MEGF11: variants seen among roughly 807,000 people sequenced by gnomAD.
MEGF11 encodes multiple EGF like domains 11.
MEGF11 carries 126 observed loss-of-function variants against 146.6 expected under a neutral mutation model. The observed-to-expected ratio is 0.86, with a 90% CI of 0.74 to 1.00. The LOEUF is 1.00. MEGF11 is among the 50% of genes least tolerant of loss of function. The pLI is 0.00. For missense variants in MEGF11, 1,509 were observed against 1,521.2 expected (o/e 0.99, Z 0.13); for synonymous variants, 532 against 583.4 (o/e 0.91, Z 1.27).
intron 1 of MEGF11, among the ~76,000 whole-genome samples, chr15:66,230,326 C>T (rs1470321998): frequency 6.6e-6 from 1 of 152,196 alleles, no homozygotes; most frequent in Non-Finnish European, 1.5e-5. Context: ...AACCTTCTGT[C>T]TTACCTCCCC....
intron 1 of MEGF11, among the ~76,000 whole-genome samples, chr15:66,132,784 T>C (rs894604456): frequency 6.6e-5 from 10 of 152,144 alleles, no homozygotes; most frequent in African/African-American, 2.2e-4. Context: ...CTCCTATATT[T>C]ACCACTTAGA....
At chr15:66,113,518 G>A (rs2087551675) in intron 4 of MEGF11, among the ~76,000 whole-genome samples, 2 of 150,928 alleles carry the variant, frequency 1.3e-5, no homozygotes, top group Non-Finnish European at 3.0e-5. Flanking sequence ...AGTGAGGCAT[G>A]CTTTCTCCCT....
chr15:66,130,264 G>T (rs534948055), intron 1 of MEGF11, among the ~76,000 whole-genome samples: 8 of 152,280 alleles, frequency 5.3e-5, no homozygotes, highest in African/African-American at 1.7e-4. Context: ...TGGGGTTTGG[G>T]CTAATCAGGC....
rs2079229588 is a variant in MEGF11 at position 65,922,973 on chromosome 15, T to A, written c.1676-4A>T. On this transcript the variant is annotated splice_region_variant and splice_polypyrimidine_tract_variant and intron_variant, in intron 13 of 25. Coordinates refer to ENST00000395614, the MANE Select transcript of MEGF11 (RefSeq NM_001385028.1). ...CACGTGCTGTCACAGCGGATGCCTG[T>A]GGGCCAGAGGCAGACTCGGGTCAGT... 6.2e-7 allele frequency: 1 copy of A among 1,611,630 alleles called. No homozygotes were observed. Among genetic ancestry groups the A allele is most frequent in the Non-Finnish European group, 8.5e-7 (1 of 1,179,296 alleles).
intron 5 of MEGF11, among the ~76,000 whole-genome samples, chr15:66,059,815 G>A (rs2084829440): frequency 6.6e-6 from 1 of 152,270 alleles, no homozygotes; most frequent in Non-Finnish European, 1.5e-5. Flanking sequence ...CCGGCTCCCA[G>A]GCAGGGAGCT....
chr15:66,244,162 T>G (rs2092259958), intron 1 of MEGF11, among the ~76,000 whole-genome samples: 1 of 152,016 alleles, frequency 6.6e-6, no homozygotes, highest in African/African-American at 2.4e-5. Flanking sequence ...CTAACAATGG[T>G]GGTCCTTGCT....
chr15:66,194,687 A>C (rs1023688802), intron 1 of MEGF11, among the ~76,000 whole-genome samples: 1 of 139,130 alleles, frequency 7.2e-6, no homozygotes, highest in African/African-American at 2.6e-5. Context: ...GGGGAGGGGG[A>C]GGGATAAAAG....
chr15:65,898,542 A>T, intron 25 of MEGF11, 186 bp downstream of exon 25: 2 of 985,384 alleles, frequency 2.0e-6, no homozygotes, highest in Non-Finnish European at 2.4e-6. Context: ...AGTTGGTACA[A>T]TAATTTGACT....
rs1267826887 is a variant in MEGF11 at position 65,916,259 on chromosome 15, A to G, written c.2233T>C (p.Phe745Leu). 1.9e-5 allele frequency: 29 copies of G among 1,556,496 alleles called. No homozygotes were observed. Among genetic ancestry groups the G allele is most frequent in the Non-Finnish European group, 2.4e-5 (28 of 1,149,994 alleles). The change falls in exon 18 of 26, where the codon TTT becomes CTT. Residue 745 changes from phenylalanine to leucine, a missense_variant. Phe to Leu is a conservative substitution (Grantham distance 22, BLOSUM62 0). Transcript: ENST00000395614. ...CATACGCGCCCACAGTCCTTCCCAA[A>G]AAATGCTGCTGGGCAGCCTAGAGAA... The part of the protein sequence containing the change: ...FCTQRCPAAF[F>L]GKDCGRVCQC...
At chr15:66,249,596 AT>A (rs2092343325) in intron 1 of MEGF11, among the ~76,000 whole-genome samples, 2 of 152,188 alleles carry the variant, frequency 1.3e-5, no homozygotes, top group Admixed American at 6.5e-5. Context: ...GGGGATGTAC[AT>A]AGCAAGTCTT....
chr15:65,980,921 T>G, intron 6 of MEGF11, 23 bp from the exon 7 acceptor site: 4 of 1,550,596 alleles, frequency 2.6e-6, no homozygotes, highest in Non-Finnish European at 3.5e-6. Flanking sequence ...GCAGAGGTGT[T>G]AGACACAGCA....
At chr15:66,189,456 A>G (rs2090811288) in intron 1 of MEGF11, among the ~76,000 whole-genome samples, 1 of 152,194 alleles carries the variant, frequency 6.6e-6, no homozygotes, top group Non-Finnish European at 1.5e-5. Flanking sequence ...CCCATTGCGC[A>G]CATGGGGAAG....
At chr15:66,237,070 C>T (rs2092110053) in intron 1 of MEGF11, among the ~76,000 whole-genome samples, 1 of 152,184 alleles carries the variant, frequency 6.6e-6, no homozygotes, top group Admixed American at 6.5e-5. Flanking sequence ...TGCATGCTAA[C>T]ACCCATCACA....
At chr15:66,242,353 G>A (rs1279364694) in intron 1 of MEGF11, among the ~76,000 whole-genome samples, 1 of 150,292 alleles carries the variant, frequency 6.7e-6, no homozygotes, top group Non-Finnish European at 1.5e-5. Context: ...AGGTTGCAGT[G>A]AGCCATAATT....
At chr15:66,103,498 A>G (rs190332849) in intron 4 of MEGF11, among the ~76,000 whole-genome samples, 2 of 152,334 alleles carry the variant, frequency 1.3e-5, no homozygotes, top group East Asian at 3.9e-4. Context: ...AATGAGGCCT[A>G]GCGTATAGTT....
chr15:66,160,707 C>CACACACA (rs1555477714), intron 1 of MEGF11, among the ~76,000 whole-genome samples: 144 of 88,224 alleles, frequency 1.6e-3, no homozygotes, highest in African/African-American at 5.3e-3. Flanking sequence ...ACACACACAC[C>CACACACA]CTTGCCCTAG....
In MEGF11 at chr15:65,965,101, AG is replaced by A. The variant is rs746690581; in HGVS notation, c.918del (p.Phe307SerfsTer69). 1.3e-6 allele frequency: 2 copies of A among 1,594,002 alleles called. No individual in the cohort carries two copies. The highest frequency in any genetic ancestry group is 1.3e-5 in the African/African-American group (1 of 74,562). On this transcript the variant is annotated frameshift_variant, in exon 9 of 26. Coordinates refer to ENST00000395614, the MANE Select transcript of MEGF11 (RefSeq NM_001385028.1). LOFTEE classifies it high-confidence loss of function. ...GAGCACTGGAAGCCGAAGGACCCGA[AG>A]GGGCACTCCTCTTGGCACCTGTGGG... ...YMGDRCQEEC[P>X]FGSFGFQCSQ...
chr15:65,907,802 A>G (rs1334723671), intron 23 of MEGF11, among the ~76,000 whole-genome samples: 1 of 152,218 alleles, frequency 6.6e-6, no homozygotes, highest in African/African-American at 2.4e-5. Flanking sequence ...GCTTGTCCAA[A>G]ACCACACTAG....
At position 65,934,028 on chromosome 15, in the gene MEGF11, G is replaced by C. The variant is rs542349053; in HGVS notation, c.1288-3085C>G. Among the ~76,000 whole-genome samples the C allele has an allele frequency of 2.0e-5, 3 of 152,268 alleles. No individual in the cohort carries two copies. In the East Asian group the frequency reaches 5.8e-4, roughly 29 times the overall value. On this transcript the variant is annotated intron_variant, in intron 10 of 25. Transcript: ENST00000395614. ...CCTTTTTATCACCTTCTCTGGGCTG[G>C]CTCCCTGTTCCCCCTCACAGCTGAC...
Sources: allele counts gnomAD v4.1 joint callset (sites outside exome capture counted in the v4.1 genomes callset), GRCh38; gene constraint gnomAD v4.1.1; transcripts MANE v1.5; gene names NCBI Gene and HGNC (gene_info 2026-07-23, HGNC 2026-07-21).